Variants in DMAC2L observed in about 807,000 individuals in gnomAD.
DMAC2L encodes the protein ATP synthase subunit s, mitochondrial.
Under a neutral mutation model 22.5 loss-of-function variants are expected in DMAC2L, and 21 were observed. The observed-to-expected ratio is 0.93, with a 90% CI of 0.66 to 1.34. DMAC2L has a LOEUF of 1.34. Among genes scored for constraint, DMAC2L ranks in the 40% most tolerant of loss-of-function variants. DMAC2L has a pLI of 0.00. For missense variants in DMAC2L, 239 were observed against 246.5 expected (o/e 0.97, Z 0.20); for synonymous variants, 86 against 89.5 (o/e 0.96, Z 0.22).
At chr14:50,324,726 G>A (rs2032572478) in intron 5 of DMAC2L, 1 of 152,196 alleles carries the variant, frequency 6.6e-6, no homozygotes, top group Admixed American at 6.5e-5. Context: ...TCTAAAATTT[G>A]TAAGATTCTG....
intron 2 of DMAC2L, 176 bp from the exon 3 acceptor site, chr14:50,321,307 G>T: frequency 3.2e-6 from 4 of 1,255,910 alleles, no homozygotes; most frequent in Non-Finnish European, 1.0e-6. Context: ...TCATTTTTTT[G>T]CAGCAAACAA....
In DMAC2L at chr14:50,326,414, A is replaced by G; in HGVS notation, c.*691A>G. 1.0e-6 allele frequency: 1 copy of G among 970,540 alleles called. No homozygotes were observed. Among genetic ancestry groups the G allele is most frequent in the Non-Finnish European group, 1.2e-6 (1 of 816,382 alleles). 60.1% of individuals were successfully genotyped at this position (970,540 alleles called of 1,614,324 possible). ...TTTAAAGTTAGTGAAGCATACTACC[A>G]TAAATGCACAATTATGAAAAATTAG... On this transcript the variant is annotated 3_prime_UTR_variant, in exon 6 of 6. Coordinates refer to ENST00000557421, the MANE Select transcript of DMAC2L (RefSeq NM_001382507.1).
intron 2 of DMAC2L, among the ~76,000 whole-genome samples, chr14:50,315,271 T>G (rs993895759): frequency 6.6e-6 from 1 of 151,788 alleles, no homozygotes; most frequent in Admixed American, 6.6e-5. Context: ...CAGCCTATTA[T>G]GTCATTCTTA....
chr14:50,315,639 C>T lies in DMAC2L; in HGVS notation c.-6+1013C>T, dbSNP rs143656088. On this transcript the variant is annotated intron_variant, in intron 2 of 5. Coordinates refer to ENST00000557421, the MANE Select transcript of DMAC2L (RefSeq NM_001382507.1). ...ACTGCGCCACTGCACTCCAGCCTGG[C>T]GACAGAGCAAGATTCTGTTTCACAA... is the stretch of plus-strand genomic sequence containing the variant. Among the ~76,000 whole-genome samples the T allele has an allele frequency of 7.6e-3, 971 of 128,550 alleles. 8 individuals are homozygous for T. Among genetic ancestry groups the T allele is most frequent in the African/African-American group, 0.028 (899 of 32,540 alleles). 84.3% of individuals were successfully genotyped at this position (128,550 alleles called of 152,430 possible).
chr14:50,326,411 A>C lies in DMAC2L; in HGVS notation c.*688A>C. 1 of 964,566 alleles carries C rather than the reference A, an allele frequency of 1.0e-6. No individual in the cohort carries two copies. The highest frequency in any genetic ancestry group is 1.2e-6 in the Non-Finnish European group (1 of 810,956). 59.8% of individuals were successfully genotyped at this position (964,566 alleles called of 1,614,324 possible). On this transcript the variant is annotated 3_prime_UTR_variant, in exon 6 of 6. Coordinates refer to ENST00000557421, the MANE Select transcript of DMAC2L (RefSeq NM_001382507.1). Reference sequence around the variant, plus strand: ...AACTTTAAAGTTAGTGAAGCATACTACCATAAATGCACAATTATGAAAAAT... The same window carrying C: ...AACTTTAAAGTTAGTGAAGCATACTCCCATAAATGCACAATTATGAAAAAT...
chr14:50,325,541 A>G, intron 5 of DMAC2L, 68 bp from the exon 6 acceptor site: 1 of 1,497,688 alleles, frequency 6.7e-7, no homozygotes, highest in Non-Finnish European at 9.1e-7. Context: ...TCTTTCTTTA[A>G]GTCAGTAAAT....
chr14:50,313,203 T>C (rs2031418866), intron 1 of DMAC2L: 10 of 696,078 alleles, frequency 1.4e-5, no homozygotes, highest in South Asian at 1.3e-4. Flanking sequence ...TTTTAATTTT[T>C]AGGGTTAGGA....
intron 2 of DMAC2L, among the ~76,000 whole-genome samples, chr14:50,315,940 G>A (rs374646584): frequency 1.3e-5 from 2 of 152,100 alleles, no homozygotes; most frequent in East Asian, 1.9e-4. Flanking sequence ...GGAATTGCTC[G>A]ATCAAATGGT....
chr14:50,326,882 A>AT lies in DMAC2L; in HGVS notation c.*1163dup, dbSNP rs2032725471. 1 of 425,274 alleles carries AT rather than the reference A, an allele frequency of 2.4e-6. No individual in the cohort carries two copies. The highest frequency in any genetic ancestry group is 3.1e-6 in the Non-Finnish European group (1 of 318,418). The allele number at this position is 425,274 out of a possible 1,614,324, so 26.3% of individuals were successfully genotyped here. ...ACAGTGAGACCCCATCTCTAAAAAA[A>AT]TTTTAAAAATTAGGCAGGCATGGTG... is the stretch of plus-strand genomic sequence containing the variant. On this transcript the variant is annotated 3_prime_UTR_variant, in exon 6 of 6. Transcript: ENST00000557421.
intron 2 of DMAC2L, among the ~76,000 whole-genome samples, chr14:50,315,288 T>G (rs1595183113): frequency 6.6e-6 from 1 of 152,144 alleles, no homozygotes; most frequent in East Asian, 1.9e-4. Context: ...CTTATGCCTT[T>G]GCATCCTCAT....
At chr14:50,321,677 A>T (rs1233336862) in intron 3 of DMAC2L, 83 bp downstream of exon 3, 1 of 1,031,988 alleles carries the variant, frequency 9.7e-7, no homozygotes, top group African/African-American at 1.6e-5. Flanking sequence ...GCTATTTCTC[A>T]TATTTACAGT....
intron 2 of DMAC2L, 83 bp downstream of exon 2, chr14:50,314,709 T>C (rs2031611834): frequency 4.5e-6 from 2 of 444,030 alleles, no homozygotes; most frequent in East Asian, 7.0e-5. Context: ...TGGTGCAATC[T>C]CAACTCACTG....
chr14:50,311,532 C>A (rs1566546716), upstream of DMAC2L: 1 of 451,396 alleles, frequency 2.2e-6, no homozygotes, highest in African/African-American at 2.1e-5. Flanking sequence ...ATAAGAGCTG[C>A]CTCCGACGGG....
At chr14:50,312,963 G>T in intron 1 of DMAC2L, 1 of 1,610,702 alleles carries the variant, frequency 6.2e-7, no homozygotes, top group Non-Finnish European at 8.5e-7. Context: ...CTCGGTTTTT[G>T]CCACCATTTA....
In DMAC2L at chr14:50,321,529, A is replaced by G; in HGVS notation, c.42A>G (p.Val14=). ...AAATTTCCCAGCAGTTGTGTGGCGT[A>G]AAGAAACTCCCATGGTCATGTGACT... is the stretch of plus-strand genomic sequence containing the variant. ...FGKISQQLCG[V]KKLPWSCDSR... The change falls in exon 3 of 6, where the codon GTA becomes GTG. Residue 14 remains valine, a synonymous_variant. Transcript: ENST00000557421. The G allele has an allele frequency of 6.2e-6, 10 of 1,614,148 alleles. No homozygotes were observed. Among genetic ancestry groups the G allele is most frequent in the Non-Finnish European group, 8.5e-6 (10 of 1,179,986 alleles).
At position 50,312,363 on chromosome 14, in the gene DMAC2L, G is replaced by GCTCCCTCTCTCC. The variant is rs1555334437; in HGVS notation, c.-61_-60insTCTCCCTCCCTC. 24 of 637,664 alleles carry GCTCCCTCTCTCC rather than the reference G, an allele frequency of 3.8e-5. No individual in the cohort carries two copies. Among genetic ancestry groups the GCTCCCTCTCTCC allele is most frequent in the Non-Finnish European group, 5.7e-5 (21 of 371,180 alleles). The allele number at this position is 637,664 out of a possible 1,614,324, so 39.5% of individuals were successfully genotyped here. On this transcript the variant is annotated 5_prime_UTR_variant, in exon 1 of 6. Transcript: ENST00000557421. ...GCCGCAGACGCGGGGACGCTGGCTC[G>GCTCCCTCTCTCC]CTCCCTCCCTCCCTCCCTCCGACGC...
intron 1 of DMAC2L, among the ~76,000 whole-genome samples, chr14:50,313,962 T>G (rs1478834338): frequency 1.3e-5 from 2 of 152,266 alleles, no homozygotes; most frequent in African/African-American, 4.8e-5. Flanking sequence ...AATGTAATTA[T>G]TGTAATTATA....
chr14:50,321,344 G>T, intron 2 of DMAC2L, 139 bp from the exon 3 acceptor site: 1 of 1,376,752 alleles, frequency 7.3e-7, no homozygotes, highest in East Asian at 2.7e-5. Context: ...ACAAGAAACA[G>T]GAGTGACTTG....
In DMAC2L at chr14:50,314,654, A is replaced by G. The variant is rs1276100408; in HGVS notation, c.-6+28A>G. 3 of 453,896 alleles carry G rather than the reference A, an allele frequency of 6.6e-6. No homozygotes were observed. The East Asian group carries it at 2.1e-4, about 32-fold the overall frequency. 28.1% of individuals were successfully genotyped at this position (453,896 alleles called of 1,614,324 possible). A position where few individuals can be genotyped will look rare whatever the true frequency, so the allele number is the denominator to read the frequency against. ...AAGTGCATGTTTATTTTTTATTTTT[A>G]TTTTTGAGACAGGGTTATGCTCTGT... On this transcript the variant is annotated intron_variant, in intron 2 of 5. Transcript: ENST00000557421.
Sources: gnomAD v4.1 joint callset for allele counts (sites outside exome capture counted in the v4.1 genomes callset) on GRCh38, gnomAD v4.1.1 for gene constraint, MANE v1.5 for transcripts, NCBI Gene and HGNC (gene_info 2026-07-23, HGNC 2026-07-21) for gene names.